The following MND1 variants were observed in gnomAD, a reference collection of about 807,000 sequenced individuals.
The protein encoded by MND1 is meiotic nuclear divisions 1.
A neutral mutation model predicts 35.1 loss-of-function variants in MND1; 28 were observed. That is an observed-to-expected ratio of 0.80 (90% CI 0.59 to 1.09). MND1 has a LOEUF of 1.09. Ranked by LOEUF, MND1 falls within the 50% of genes least tolerant of loss-of-function variation. MND1 has a pLI of 0.00. For missense variants in MND1, 213 were observed against 239.6 expected (o/e 0.89, Z 0.73); for synonymous variants, 69 against 70.5 (o/e 0.98, Z 0.11).
At chr4:153,359,975 C>T (rs903503058) in intron 4 of MND1, among the ~76,000 whole-genome samples, 6 of 151,878 alleles carry the variant, frequency 4.0e-5, no homozygotes, top group Admixed American at 2.0e-4. Flanking sequence ...TTAGTAGAGA[C>T]GGGGTTTCAC....
intron 6 of MND1, among the ~76,000 whole-genome samples, chr4:153,408,333 A>G (rs1361732381): frequency 1.3e-5 from 2 of 152,208 alleles, no homozygotes; most frequent in East Asian, 3.8e-4. Flanking sequence ...GAATTTTGTG[A>G]CATATAAATT....
chr4:153,411,161 A>G (rs948680170), intron 7 of MND1, among the ~76,000 whole-genome samples: 7 of 152,220 alleles, frequency 4.6e-5, no homozygotes, highest in African/African-American at 1.7e-4. Context: ...CAATTATATC[A>G]TATGAAACCT....
intron 4 of MND1, among the ~76,000 whole-genome samples, chr4:153,371,114 G>A (rs1226346797): frequency 2.6e-5 from 4 of 152,034 alleles, no homozygotes; most frequent in African/African-American, 9.7e-5. Context: ...TTTCTGAGCA[G>A]CAAGTCTCAA....
At chr4:153,392,171 G>A (rs919689218) in intron 4 of MND1, among the ~76,000 whole-genome samples, 13 of 151,314 alleles carry the variant, frequency 8.6e-5, no homozygotes, top group African/African-American at 2.4e-4. Flanking sequence ...GCGCGATCTC[G>A]GCTCACTGCA....
At chr4:153,392,683 C>T (rs1729080077) in intron 4 of MND1, among the ~76,000 whole-genome samples, 1 of 152,110 alleles carries the variant, frequency 6.6e-6, no homozygotes, top group African/African-American at 2.4e-5. Context: ...TTAACCAGTC[C>T]TTTTTGATGT....
At chr4:153,379,306 A>T (rs982795920) in intron 4 of MND1, among the ~76,000 whole-genome samples, 4 of 146,890 alleles carry the variant, frequency 2.7e-5, no homozygotes, top group African/African-American at 1.0e-4. Context: ...AAAAAAAAAG[A>T]AGAAGAAGAA....
chr4:153,350,391 T>C (rs191779220), intron 2 of MND1, among the ~76,000 whole-genome samples: 33 of 152,326 alleles, frequency 2.2e-4, no homozygotes, highest in African/African-American at 7.9e-4. Flanking sequence ...GATTATCTCC[T>C]CTTTCTGCCT....
chr4:153,348,511 G>T (rs1472846875), intron 1 of MND1, among the ~76,000 whole-genome samples: 2 of 152,180 alleles, frequency 1.3e-5, no homozygotes, highest in Non-Finnish European at 2.9e-5. Flanking sequence ...GGGATCAGTA[G>T]CCAAACCCAG....
chr4:153,414,671 A>G (rs568429245), intron 7 of MND1, 80 bp from the exon 8 acceptor site: 2 of 584,048 alleles, frequency 3.4e-6, no homozygotes, highest in East Asian at 3.1e-5. Context: ...GAAGGAAGTA[A>G]AAGAACAATG....
chr4:153,414,112 G>C (rs922834422), intron 7 of MND1, among the ~76,000 whole-genome samples: 4 of 152,068 alleles, frequency 2.6e-5, no homozygotes, highest in Admixed American at 2.0e-4. Flanking sequence ...GGGAATAGGA[G>C]CAACTTTAAT....
rs554785705 is a variant in MND1, at chr4:153,406,414, C to T, written c.467-2557C>T. ...GCACACACCTGTAATCCCAGCTACT[C>T]GGGAGGCTGAGGCAGGAGAATCGCT... On this transcript the variant is annotated intron_variant, in intron 6 of 7. Transcript: ENST00000240488. Among the ~76,000 whole-genome samples the T allele has an allele frequency of 3.0e-4, 46 of 151,872 alleles. 1 individual carries two copies. The highest frequency in any genetic ancestry group is 3.4e-3 in the Middle Eastern group (1 of 292).
intron 2 of MND1, among the ~76,000 whole-genome samples, chr4:153,350,971 A>G (rs1773203419): frequency 7.0e-6 from 1 of 142,022 alleles, no homozygotes; most frequent in South Asian, 2.2e-4. Flanking sequence ...AAAAAAAAAC[A>G]AACAAAATAC....
chr4:153,407,239 G>A (rs559952353), intron 6 of MND1, among the ~76,000 whole-genome samples: 10 of 152,288 alleles, frequency 6.6e-5, no homozygotes, highest in South Asian at 2.1e-4. Flanking sequence ...CGAGGCAGGC[G>A]GATCACCTGA....
chr4:153,401,336 G>A (rs932377710), intron 6 of MND1, among the ~76,000 whole-genome samples: 5 of 152,142 alleles, frequency 3.3e-5, no homozygotes, highest in African/African-American at 7.2e-5. Flanking sequence ...AGTCCCAAAT[G>A]GAGTATGTTT....
chr4:153,365,178 G>A (rs1421417272), intron 4 of MND1, among the ~76,000 whole-genome samples: 2 of 151,904 alleles, frequency 1.3e-5, no homozygotes, highest in East Asian at 1.9e-4. Flanking sequence ...CCTGGGTCAC[G>A]TGTCCACACT....
chr4:153,365,519 A>G (rs553807233), intron 4 of MND1, among the ~76,000 whole-genome samples: 46 of 152,302 alleles, frequency 3.0e-4, no homozygotes, highest in African/African-American at 1.1e-3. Context: ...TCCAACTGTA[A>G]AGTTACAGTG....
intron 2 of MND1, among the ~76,000 whole-genome samples, chr4:153,351,604 A>G (rs564820355): frequency 2.6e-5 from 4 of 152,230 alleles, no homozygotes; most frequent in Non-Finnish European, 4.4e-5. Flanking sequence ...ATTTGCTTCA[A>G]CATCTCAAAG....
intron 7 of MND1, among the ~76,000 whole-genome samples, chr4:153,409,697 T>A (rs1729627761): frequency 6.6e-6 from 1 of 152,194 alleles, no homozygotes; most frequent in South Asian, 2.1e-4. Context: ...AAAAATATAA[T>A]AATTTTTTTT....
chr4:153,409,117 C>A, intron 7 of MND1, 102 bp downstream of exon 7: 3 of 558,654 alleles, frequency 5.4e-6, no homozygotes, highest in Non-Finnish European at 8.2e-6. Flanking sequence ...CAAGAAAGGA[C>A]GTTAATGAAA....
Sources: allele counts gnomAD v4.1 joint callset (sites outside exome capture counted in the v4.1 genomes callset), GRCh38; gene constraint gnomAD v4.1.1; transcripts MANE v1.5; gene names NCBI Gene and HGNC (gene_info 2026-07-23, HGNC 2026-07-21).